SUGCT: variants seen among roughly 807,000 people sequenced by gnomAD.
SUGCT encodes succinyl-CoA:glutarate CoA-transferase.
In SUGCT, 41 loss-of-function variants were observed where a neutral mutation model predicts 55.0. The ratio of observed to expected loss-of-function variants is 0.74; its 90% CI spans 0.58 to 0.97. The LOEUF (loss-of-function observed/expected upper bound fraction) is 0.97, where lower values mean the gene tolerates loss of function less well. Ranked by LOEUF, SUGCT falls within the 50% of genes least tolerant of loss-of-function variation. SUGCT has a pLI of 0.00. For missense variants in SUGCT, 568 were observed against 547.8 expected (o/e 1.04, Z -0.37); for synonymous variants, 187 against 200.4 (o/e 0.93, Z 0.56).
At chr7:40,974,883 C>A in the SUGCT span, among the ~76,000 whole-genome samples, 1 of 152,088 alleles carries the variant, frequency 6.6e-6, no homozygotes. Flanking sequence ...GTAGACATAT[C>A]CCAACTATCC....
chr7:40,330,695 ATT>A, intron 9 of SUGCT, among the ~76,000 whole-genome samples: 2 of 14,980 alleles, frequency 1.3e-4, no homozygotes, highest in Middle Eastern at 0.056. Context: ...GGGGGCATTT[ATT>A]TACTTTATAT....
At chr7:40,244,198 A>G (rs1051139710) in intron 7 of SUGCT, among the ~76,000 whole-genome samples, 7 of 152,300 alleles carry the variant, frequency 4.6e-5, no homozygotes, top group African/African-American at 1.7e-4. Context: ...TAAAAAATAT[A>G]TATAAAGTAT....
the SUGCT span, among the ~76,000 whole-genome samples, chr7:40,915,589 G>A: frequency 1.3e-5 from 2 of 152,112 alleles, no homozygotes; most frequent in Non-Finnish European, 2.9e-5. Context: ...AGACCAAGAG[G>A]ATTCTACCAA....
At chr7:40,470,292 G>A (rs1414020568) in intron 11 of SUGCT, among the ~76,000 whole-genome samples, 1 of 151,978 alleles carries the variant, frequency 6.6e-6, no homozygotes, top group Non-Finnish European at 1.5e-5. Flanking sequence ...GCCCACTTGG[G>A]TTCTATTCTT....
At chr7:40,182,450 T>A (rs1016527762) in intron 3 of SUGCT, among the ~76,000 whole-genome samples, 4 of 151,230 alleles carry the variant, frequency 2.6e-5, no homozygotes, top group Non-Finnish European at 1.5e-5. Context: ...TAATTGCAGC[T>A]ACTTGGGAGG....
intron 9 of SUGCT, among the ~76,000 whole-genome samples, chr7:40,360,091 G>A (rs1384336408): frequency 6.6e-6 from 1 of 152,158 alleles, no homozygotes; most frequent in Non-Finnish European, 1.5e-5. Context: ...TCGGCTCACT[G>A]CAACCTCCGC....
At chr7:40,236,442 CAA>C (rs60720770) in intron 6 of SUGCT, among the ~76,000 whole-genome samples, 53 of 89,968 alleles carry the variant, frequency 5.9e-4, no homozygotes, top group Admixed American at 8.5e-4. Context: ...TTTCTGATGG[CAA>C]AAAAAAAAAA....
chr7:40,192,634 T>C (rs112051304), intron 5 of SUGCT, among the ~76,000 whole-genome samples: 15 of 69,472 alleles, frequency 2.2e-4, no homozygotes, highest in East Asian at 4.9e-4. Context: ...TTCTTTCTTT[T>C]TTTTTTTTTT....
intron 13 of SUGCT, among the ~76,000 whole-genome samples, chr7:40,854,004 G>A (rs565074359): frequency 6.6e-6 from 1 of 152,324 alleles, no homozygotes; most frequent in South Asian, 2.1e-4. Flanking sequence ...CTGTTGAAGA[G>A]AATGCACAAG....
At chr7:40,379,059 T>A (rs1235497483) in intron 9 of SUGCT, among the ~76,000 whole-genome samples, 1 of 152,112 alleles carries the variant, frequency 6.6e-6, no homozygotes, top group Non-Finnish European at 1.5e-5. Flanking sequence ...GCAGAAGATG[T>A]CTTGAGACAC....
chr7:40,946,867 T>A, the SUGCT span, among the ~76,000 whole-genome samples: 6 of 152,360 alleles, frequency 3.9e-5, no homozygotes, highest in East Asian at 1.2e-3. Flanking sequence ...CACGACTTGC[T>A]TCTGTCTTGC....
Position 40,503,189 on chromosome 7 carries a change from A to G in SUGCT, c.1089+6803A>G, listed in dbSNP as rs145622091. Among the ~76,000 whole-genome samples, 1,270 of 152,286 alleles carry G rather than the reference A, an allele frequency of 8.3e-3. 15 individuals carry two copies. The highest frequency in any genetic ancestry group is 9.9e-3 in the Non-Finnish European group (675 of 67,984). On this transcript the variant is annotated intron_variant, in intron 12 of 13. Transcript: ENST00000335693. ...TCAATATTAACCTTGATTGAGAGAC[A>G]TAAAAGGTTTGAATATATGTAGAGA...
intron 13 of SUGCT, among the ~76,000 whole-genome samples, chr7:40,754,787 T>C (rs1788176797): frequency 6.6e-6 from 1 of 152,236 alleles, no homozygotes; most frequent in Admixed American, 6.5e-5. Flanking sequence ...TGTGCTACTG[T>C]AAATATACCT....
chr7:40,220,913 A>G (rs546355982), intron 6 of SUGCT, among the ~76,000 whole-genome samples: 1 of 152,240 alleles, frequency 6.6e-6, no homozygotes, highest in Admixed American at 6.5e-5. Flanking sequence ...AAGTTAAGTT[A>G]ATTGGTATGA....
intron 13 of SUGCT, among the ~76,000 whole-genome samples, chr7:40,770,824 T>C (rs1194133328): frequency 6.6e-6 from 1 of 152,184 alleles, no homozygotes; most frequent in Non-Finnish European, 1.5e-5. Context: ...CCCTCCTGTA[T>C]GCTCCCCACA....
chr7:40,477,781 G>T (rs1190266996), intron 11 of SUGCT, among the ~76,000 whole-genome samples: 1 of 152,172 alleles, frequency 6.6e-6, no homozygotes, highest in Non-Finnish European at 1.5e-5. Context: ...AAATCAAAGA[G>T]AAGTTGTAGG....
intron 12 of SUGCT, among the ~76,000 whole-genome samples, chr7:40,680,161 A>G (rs936398159): frequency 3.3e-5 from 5 of 152,174 alleles, no homozygotes; most frequent in African/African-American, 4.8e-5. Flanking sequence ...AGGATTTACT[A>G]TCAGAATCAC....
intron 10 of SUGCT, among the ~76,000 whole-genome samples, chr7:40,450,300 G>A (rs1036097617): frequency 6.6e-6 from 1 of 151,734 alleles, no homozygotes; most frequent in Non-Finnish European, 1.5e-5. Context: ...TTTAATTTTA[G>A]AACTTAGGTA....
the SUGCT span, among the ~76,000 whole-genome samples, chr7:40,900,302 T>C: frequency 1.3e-5 from 2 of 152,208 alleles, no homozygotes; most frequent in Non-Finnish European, 2.9e-5. Context: ...GACCAAGATT[T>C]TGAATTGTGA....
Sources: allele counts gnomAD v4.1 joint callset (sites outside exome capture counted in the v4.1 genomes callset), GRCh38; gene constraint gnomAD v4.1.1; transcripts MANE v1.5; gene names NCBI Gene and HGNC (gene_info 2026-07-23, HGNC 2026-07-21).